Variants in DLGAP2 observed in about 807,000 individuals in gnomAD.
DLGAP2 encodes the protein DLG associated protein 2.
In DLGAP2, 26 loss-of-function variants were observed where a neutral mutation model predicts 100.3. The ratio of observed to expected loss-of-function variants is 0.26; its 90% CI spans 0.19 to 0.36. The LOEUF (loss-of-function observed/expected upper bound fraction) is 0.36. Ranked by LOEUF, DLGAP2 falls within the 10% of genes least tolerant of loss-of-function variation. The probability of loss-of-function intolerance (pLI) is 1.00; values close to 1 mark genes in which losing one functional copy is unlikely to be tolerated. For synonymous variants in DLGAP2, 886 were observed against 630.1 expected (o/e 1.41, Z -6.08); for missense variants, 1,858 against 1,453.2 (o/e 1.28, Z -4.53).
intron 2 of DLGAP2, among the ~76,000 whole-genome samples, chr8:1,014,893 GTA>G (rs757767940): frequency 8.2e-3 from 1 of 122 alleles, no homozygotes; most frequent in Admixed American, 0.071. Context: ...TCCACTGTGT[GTA>G]TGACCAGGAC....
intron 6 of DLGAP2, among the ~76,000 whole-genome samples, chr8:1,583,398 C>T (rs564801276): frequency 1.4e-4 from 21 of 149,884 alleles, no homozygotes; most frequent in Admixed American, 4.6e-4. Flanking sequence ...CACAGCGTAA[C>T]ACCACCATGC....
At chr8:1,645,745 G>T (rs188142551) in intron 8 of DLGAP2, among the ~76,000 whole-genome samples, 77 of 152,194 alleles carry the variant, frequency 5.1e-4, no homozygotes, top group African/African-American at 1.7e-3. Context: ...TTGCTTCATG[G>T]GTTTCAAGAG....
At chr8:914,772 C>T (rs1377198130) in intron 2 of DLGAP2, among the ~76,000 whole-genome samples, 1 of 152,202 alleles carries the variant, frequency 6.6e-6, no homozygotes, top group Non-Finnish European at 1.5e-5. Context: ...TCTGTGGATG[C>T]TTCTGTGCTG....
chr8:1,466,141 T>C (rs2130178196), intron 3 of DLGAP2, among the ~76,000 whole-genome samples: 1 of 152,274 alleles, frequency 6.6e-6, no homozygotes, highest in South Asian at 2.1e-4. Context: ...GCGTTTAGGT[T>C]GAAGTCAAGT....
intron 3 of DLGAP2, among the ~76,000 whole-genome samples, chr8:1,381,696 A>G (rs1024772796): frequency 6.6e-6 from 1 of 151,624 alleles, no homozygotes; most frequent in Non-Finnish European, 1.5e-5. Flanking sequence ...TGCCTGGCCT[A>G]TTTCACTCAG....
chr8:1,262,857 T>G (rs1469240191), intron 3 of DLGAP2, among the ~76,000 whole-genome samples: 2 of 152,056 alleles, frequency 1.3e-5, no homozygotes, highest in African/African-American at 2.4e-5. Flanking sequence ...ACAGGAAAAT[T>G]TATGGACATT....
Position 1,469,832 on chromosome 8 carries a change from C to A in DLGAP2, c.107-31534C>A, listed in dbSNP as rs570635075. On this transcript the variant is annotated intron_variant, in intron 3 of 14. Coordinates refer to ENST00000637795, the MANE Select transcript of DLGAP2 (RefSeq NM_001346810.2). The stretch of plus-strand genomic sequence containing the variant: ...CATGTATGACCCTCGATTATTTCTC[C>A]AGGAGATGCACAAAATACAGACTCC... 3.3e-5 allele frequency among the ~76,000 whole-genome samples: 5 copies of A among 152,186 alleles called. No individual in the cohort carries two copies. In the South Asian group the frequency reaches 1.0e-3, roughly 32 times the overall value.
intron 3 of DLGAP2, among the ~76,000 whole-genome samples, chr8:1,334,286 G>A (rs1167410033): frequency 6.6e-6 from 1 of 152,218 alleles, no homozygotes; most frequent in African/African-American, 2.4e-5. Flanking sequence ...GCCACCCCAT[G>A]CAGCCCTGGC....
At chr8:1,215,473 C>A (rs367986315) in intron 2 of DLGAP2, among the ~76,000 whole-genome samples, 1 of 115,774 alleles carries the variant, frequency 8.6e-6, no homozygotes, top group South Asian at 3.8e-4. Context: ...TGGAGACGTC[C>A]AGGTACCTGG....
chr8:1,549,626 C>G lies in DLGAP2; in HGVS notation c.1173C>G (p.Asp391Glu), dbSNP rs150999171. The change falls in exon 5 of 15, where the codon GAC (aspartate) becomes GAG (glutamate). Residue 391 changes from aspartate (D) to glutamate (E), a missense_variant. By Grantham distance (45) the Asp-to-Glu change is conservative. Transcript: ENST00000637795. ...EAYRKSSLNL[D>E]KPLLHQDAKP... ...ACCGCAAGAGCTCGCTGAACCTGGA[C>G]AAGCCGCTGCTGCACCAGGACGCCA... The G allele has an allele frequency of 5.3e-4, 827 of 1,563,588 alleles. 2 individuals carry two copies. The African/African-American group carries it at 9.5e-3, about 18-fold the overall frequency.
chr8:978,123 G>C (rs376062492), intron 2 of DLGAP2, among the ~76,000 whole-genome samples: 568 of 78,828 alleles, frequency 7.2e-3, no homozygotes, highest in Admixed American at 0.012. Flanking sequence ...TGAGGTGCTG[G>C]GTTCTGGTCT....
chr8:1,388,206 T>C (rs1796265105), intron 3 of DLGAP2, among the ~76,000 whole-genome samples: 1 of 119,452 alleles, frequency 8.4e-6, no homozygotes. Context: ...GCAGAGACCG[T>C]GGATGAGGAG....
intron 3 of DLGAP2, among the ~76,000 whole-genome samples, chr8:1,279,120 C>T (rs1052861479): frequency 6.6e-6 from 1 of 152,190 alleles, no homozygotes; most frequent in Non-Finnish European, 1.5e-5. Context: ...GGGACTTGGG[C>T]AGCATTGCAA....
intron 3 of DLGAP2, among the ~76,000 whole-genome samples, chr8:1,467,060 C>T (rs75290531): frequency 7.1e-6 from 1 of 141,104 alleles, no homozygotes; most frequent in Admixed American, 6.8e-5. Flanking sequence ...ATAAAGAAGA[C>T]GGATGCCCGG....
At chr8:1,262,520 C>A (rs1474848562) in intron 3 of DLGAP2, 1 of 152,084 alleles carries the variant, frequency 6.6e-6, no homozygotes, top group East Asian at 1.9e-4. Context: ...AATGCAGTTT[C>A]TACAGGGTTC....
rs888117175 is a variant in DLGAP2, at chr8:1,708,388, C to T, written c.*6982C>T. ...TCTCTATATTTTAAGAAGTAATGGA[C>T]ATTTATTAAGGTTACAGATTTAATA... is the stretch of plus-strand genomic sequence containing the variant. On this transcript the variant is annotated 3_prime_UTR_variant, in exon 15 of 15. Transcript: ENST00000637795. The T allele has an allele frequency of 6.6e-6, 1 of 152,116 alleles. No individual in the cohort carries two copies. Among genetic ancestry groups the T allele is most frequent in the East Asian group, 1.9e-4 (1 of 5,198 alleles). 9.4% of individuals were successfully genotyped at this position (152,116 alleles called of 1,614,324 possible).
At chr8:1,209,421 A>G (rs1798059989) in intron 2 of DLGAP2, among the ~76,000 whole-genome samples, 2 of 152,144 alleles carry the variant, frequency 1.3e-5, no homozygotes, top group South Asian at 2.1e-4. Context: ...CAAAAAGACA[A>G]TCAGATTTGT....
intron 1 of DLGAP2, among the ~76,000 whole-genome samples, chr8:802,110 A>AGCCTGAGGAACAGTCCGCACC (rs1796175193): frequency 6.4e-5 from 2 of 31,092 alleles, no homozygotes; most frequent in Admixed American, 4.4e-4. Context: ...TGGTCCACAC[A>AGCCTGAGGAACAGTCCGCACC]CCTCCTGGGC....
intron 2 of DLGAP2, among the ~76,000 whole-genome samples, chr8:1,222,051 C>G (rs896557461): frequency 1.3e-5 from 2 of 152,176 alleles, no homozygotes; most frequent in African/African-American, 4.8e-5. Context: ...AGCTTCTGTG[C>G]CATCCAGATT....
Sources: gnomAD v4.1 joint callset for allele counts (sites outside exome capture counted in the v4.1 genomes callset) on GRCh38, gnomAD v4.1.1 for gene constraint, MANE v1.5 for transcripts, NCBI Gene and HGNC (gene_info 2026-07-23, HGNC 2026-07-21) for gene names.